The following CHD2 variants were observed in gnomAD, a reference collection of about 807,000 sequenced individuals.
The protein encoded by CHD2 is ATP-dependent chromatin remodeler CHD2.
A neutral mutation model predicts 243.9 loss-of-function variants in CHD2; 28 were observed. The observed-to-expected ratio is 0.11, with a 90% CI of 0.09 to 0.16. The LOEUF (loss-of-function observed/expected upper bound fraction) is 0.16. Ranked by LOEUF, CHD2 falls within the 10% of genes least tolerant of loss-of-function variation. CHD2 has a pLI of 1.00. For synonymous variants in CHD2, 775 were observed against 779.0 expected, an observed-to-expected ratio of 0.99 and a Z score of 0.09; for missense variants, 1,386 against 2,209.8, an observed-to-expected ratio of 0.63 and a Z score of 7.47.
At chr15:92,964,329 A>G (rs1386143645) in intron 16 of CHD2, among the ~76,000 whole-genome samples, 4 of 152,236 alleles carry the variant, frequency 2.6e-5, no homozygotes, top group African/African-American at 7.2e-5. Flanking sequence ...AAGGAAACCA[A>G]TTAGTTAAGG....
chr15:92,970,448 C>T (rs887360389), intron 17 of CHD2, among the ~76,000 whole-genome samples: 1 of 152,052 alleles, frequency 6.6e-6, no homozygotes, highest in Non-Finnish European at 1.5e-5. Flanking sequence ...TGATCTGCCC[C>T]CTTCGGCCTC....
chr15:92,933,950 C>T (rs1045607526), intron 5 of CHD2, among the ~76,000 whole-genome samples: 1 of 152,152 alleles, frequency 6.6e-6, no homozygotes, highest in African/African-American at 2.4e-5. Context: ...ACCTGTAACA[C>T]AGTGGAAGGG....
chr15:92,900,944 C>A, intron 1 of CHD2, 120 bp downstream of exon 1: 1 of 442,110 alleles, frequency 2.3e-6, no homozygotes. Flanking sequence ...TTATTTGTAT[C>A]TAGTGTGCTA....
chr15:92,912,068 T>A (rs773952657), intron 2 of CHD2, among the ~76,000 whole-genome samples: 69 of 152,332 alleles, frequency 4.5e-4, no homozygotes, highest in Middle Eastern at 3.4e-3. Context: ...TTCACCTTTG[T>A]GCAGTTTGTC....
chr15:92,958,863 G>A (rs1397802158), intron 16 of CHD2, among the ~76,000 whole-genome samples: 2 of 152,194 alleles, frequency 1.3e-5, no homozygotes, highest in Admixed American at 6.5e-5. Flanking sequence ...CTCATGATAA[G>A]CGTTCTGAGC....
chr15:92,981,269 A>C, intron 23 of CHD2, 96 bp from the exon 24 acceptor site: 2 of 805,506 alleles, frequency 2.5e-6, no homozygotes, highest in Non-Finnish European at 4.1e-6. Context: ...GTTTATTTGC[A>C]CCAAACATTT....
intron 2 of CHD2, 125 bp downstream of exon 2, chr15:92,901,424 G>A (rs531333338): frequency 8.9e-6 from 6 of 672,082 alleles, no homozygotes; most frequent in Admixed American, 2.8e-5. Flanking sequence ...ATTTGGATTC[G>A]TTTTTTAAAG....
intron 27 of CHD2, 32 bp from the exon 28 acceptor site, chr15:92,992,827 C>G (rs1478892549): frequency 6.2e-7 from 1 of 1,608,226 alleles, no homozygotes; most frequent in Non-Finnish European, 8.5e-7. Flanking sequence ...GGCACAGGGT[C>G]CTAAAGTGTC....
chr15:92,922,569 A>T (rs557189879), intron 2 of CHD2, among the ~76,000 whole-genome samples: 1 of 152,254 alleles, frequency 6.6e-6, no homozygotes, highest in African/African-American at 2.4e-5. Flanking sequence ...GTGCACCTCT[A>T]GAAGATGCAG....
At chr15:92,909,391 A>G (rs1214564504) in intron 2 of CHD2, among the ~76,000 whole-genome samples, 2 of 152,188 alleles carry the variant, frequency 1.3e-5, no homozygotes, top group East Asian at 3.9e-4. Context: ...AGAATGTGGT[A>G]ATAAACTCCA....
chr15:92,999,389 A>C (rs540533394), intron 31 of CHD2, among the ~76,000 whole-genome samples: 42 of 152,340 alleles, frequency 2.8e-4, no homozygotes, highest in African/African-American at 1.0e-3. Context: ...TTCAGAAACT[A>C]GACCTTACTT....
chr15:92,979,069 T>G, intron 21 of CHD2, 66 bp from the exon 22 acceptor site: 1 of 1,576,342 alleles, frequency 6.3e-7, no homozygotes. Flanking sequence ...AGCTAATCCT[T>G]CTCTCTTTTT....
chr15:92,945,897 TCAA>T, intron 11 of CHD2, 32 bp downstream of exon 11: 1 of 1,534,944 alleles, frequency 6.5e-7, no homozygotes, highest in African/African-American at 1.4e-5. Context: ...TAAATGTTCT[TCAA>T]CATTTCAGAA....
chr15:92,947,850 A>G (rs1264870413), intron 12 of CHD2, among the ~76,000 whole-genome samples: 1 of 152,190 alleles, frequency 6.6e-6, no homozygotes, highest in Non-Finnish European at 1.5e-5. Context: ...AACCTTATCA[A>G]ATATTCTTAT....
intron 37 of CHD2, among the ~76,000 whole-genome samples, chr15:93,015,463 CT>C (rs1266899324): frequency 2.4e-4 from 36 of 152,000 alleles, no homozygotes; most frequent in African/African-American, 8.7e-4. Flanking sequence ...AGTTTACATT[CT>C]GTATGACAGT....
chr15:93,017,001 G>A (rs1391814530), intron 37 of CHD2, among the ~76,000 whole-genome samples: 1 of 152,080 alleles, frequency 6.6e-6, no homozygotes, highest in African/African-American at 2.4e-5. Context: ...ATAAATTAAA[G>A]CAACAATAGG....
chr15:92,932,020 G>A (rs988020132), intron 5 of CHD2, among the ~76,000 whole-genome samples: 4 of 151,978 alleles, frequency 2.6e-5, no homozygotes, highest in Admixed American at 6.6e-5. Context: ...GCGCCACCAC[G>A]TCCAGCTAAT....
intron 16 of CHD2, among the ~76,000 whole-genome samples, chr15:92,959,066 T>C (rs1410332539): frequency 6.6e-6 from 1 of 152,248 alleles, no homozygotes; most frequent in Non-Finnish European, 1.5e-5. Flanking sequence ...AATGTTGTCT[T>C]TCAAAGAGAA....
Position 92,939,650 on chromosome 15 carries a change from T to G in CHD2, c.624T>G (p.Ser208=), listed in dbSNP as rs779688959. The change falls in exon 7 of 39, where the codon TCT becomes TCG. Residue 208 remains serine, a synonymous_variant. Coordinates refer to ENST00000394196, the MANE Select transcript of CHD2 (RefSeq NM_001271.4). ...QRGKRKKQDS[S]DEDDDDDEAP... Reference sequence around the variant, plus strand: ...GAAAGAGAAAAAAGCAAGATTCTTCTGATGAGGATGATGATGATGACGAAG... The same window carrying G: ...GAAAGAGAAAAAAGCAAGATTCTTCGGATGAGGATGATGATGATGACGAAG... The G allele has an allele frequency of 5.6e-6, 9 of 1,614,014 alleles. No homozygotes were observed. The highest frequency in any genetic ancestry group is 4.5e-5 in the East Asian group (2 of 44,896).
Sources: allele counts gnomAD v4.1 joint callset (sites outside exome capture counted in the v4.1 genomes callset), GRCh38; gene constraint gnomAD v4.1.1; transcripts MANE v1.5; gene names NCBI Gene and HGNC (gene_info 2026-07-23, HGNC 2026-07-21).